KAT6B: variants seen among roughly 807,000 people sequenced by gnomAD.
KAT6B encodes lysine acetyltransferase 6B, also known as histone acetyltransferase KAT6B.
KAT6B carries 10 observed loss-of-function variants against 187.5 expected under a neutral mutation model. The observed-to-expected ratio is 0.05, with a 90% CI of 0.03 to 0.09. KAT6B has a LOEUF of 0.09. KAT6B is among the 10% of genes least tolerant of loss of function. The pLI is 1.00. For missense variants in KAT6B, 1,952 were observed against 2,558.9 expected (o/e 0.76, Z 5.12); for synonymous variants, 861 against 926.8 (o/e 0.93, Z 1.29).
intron 1 of KAT6B, among the ~76,000 whole-genome samples, chr10:74,828,784 G>A (rs1840493764): frequency 6.6e-6 from 1 of 151,774 alleles, no homozygotes; most frequent in Non-Finnish European, 1.5e-5. Flanking sequence ...AGCCAGGATG[G>A]TCTCGAACTC....
chr10:74,983,461 C>T (rs41304619), intron 11 of KAT6B: 2,044 of 152,394 alleles, frequency 0.013, 15 homozygotes, highest in Middle Eastern at 0.031. Flanking sequence ...GACAGAGCTG[C>T]TCACAGTTGA....
At position 75,020,676 on chromosome 10, in the gene KAT6B, C is replaced by T. The variant is rs769054123; in HGVS notation, c.2724C>T (p.Ser908=). The T allele has an allele frequency of 8.1e-6, 13 of 1,614,018 alleles. No individual in the cohort carries two copies. The highest frequency in any genetic ancestry group is 5.0e-5 in the Admixed American group (3 of 60,006). The change falls in exon 14 of 18, where the codon AGC becomes AGT. Residue 908 remains serine, a synonymous_variant. Coordinates refer to ENST00000287239, the MANE Select transcript of KAT6B (RefSeq NM_012330.4). ...GRLSYLAYWK[S]VILEYLYHHH... Reference sequence around the variant, plus strand: ...TCTCCTACCTGGCATATTGGAAGAGCGTCATCTTGGAGTATCTCTACCACC... The same window carrying T: ...TCTCCTACCTGGCATATTGGAAGAGTGTCATCTTGGAGTATCTCTACCACC...
At chr10:74,878,593 C>T (rs1335022917) in intron 3 of KAT6B, among the ~76,000 whole-genome samples, 1 of 133,272 alleles carries the variant, frequency 7.5e-6, no homozygotes, top group Non-Finnish European at 1.5e-5. Context: ...GCACTCCAGT[C>T]TGGGTGACAG....
chr10:74,860,362 GATATTA>G (rs763397287), intron 3 of KAT6B, among the ~76,000 whole-genome samples: 8 of 152,116 alleles, frequency 5.3e-5, no homozygotes, highest in Non-Finnish European at 8.8e-5. Context: ...CATGCAAAAA[GATATTA>G]ATATTAAATA....
At chr10:74,923,680 G>A (rs1008006405) in intron 3 of KAT6B, among the ~76,000 whole-genome samples, 11 of 152,214 alleles carry the variant, frequency 7.2e-5, no homozygotes, top group African/African-American at 1.9e-4. Flanking sequence ...TAAGAGGCCA[G>A]TGTGGCTGGC....
chr10:75,001,409 C>T (rs1274165607), intron 13 of KAT6B, among the ~76,000 whole-genome samples: 1 of 152,096 alleles, frequency 6.6e-6, no homozygotes, highest in African/African-American at 2.4e-5. Flanking sequence ...GTCCATAAAG[C>T]GAATTAGGAA....
At chr10:74,999,247 G>A (rs988717060) in intron 13 of KAT6B, among the ~76,000 whole-genome samples, 1 of 152,208 alleles carries the variant, frequency 6.6e-6, no homozygotes, top group African/African-American at 2.4e-5. Context: ...TTTATTGAAT[G>A]CATAACTGAG....
rs376490942 is a variant in KAT6B, at chr10:74,911,332, G to A, written c.622-48638G>A. On this transcript the variant is annotated intron_variant, in intron 3 of 17. Transcript: ENST00000287239. ...GTAGCCCAGGCTGGAGTGCAGTGGC[G>A]CAGTCTCAACTCACTGCAACCTCCT... Among the ~76,000 whole-genome samples the A allele has an allele frequency of 6.7e-5, 10 of 149,896 alleles. 1 individual carries two copies. Among genetic ancestry groups the A allele is most frequent in the East Asian group, 2.0e-4 (1 of 5,076 alleles).
intron 13 of KAT6B, among the ~76,000 whole-genome samples, chr10:74,995,500 A>G (rs1387740306): frequency 2.0e-5 from 3 of 152,078 alleles, no homozygotes; most frequent in Non-Finnish European, 4.4e-5. Context: ...CTCCAATCTC[A>G]TTAGCTTGTA....
chr10:75,019,714 A>G (rs1845238501), intron 13 of KAT6B, among the ~76,000 whole-genome samples: 1 of 151,618 alleles, frequency 6.6e-6, no homozygotes, highest in African/African-American at 2.4e-5. Flanking sequence ...TTACTGAGAC[A>G]GCCGCCAGCT....
intron 3 of KAT6B, among the ~76,000 whole-genome samples, chr10:74,897,784 G>A (rs1316623892): frequency 6.6e-6 from 1 of 152,090 alleles, no homozygotes; most frequent in Non-Finnish European, 1.5e-5. Context: ...AAATTTAAAT[G>A]TCTTCATAAC....
At chr10:74,947,342 G>T (rs192670034) in intron 3 of KAT6B, among the ~76,000 whole-genome samples, 11 of 152,312 alleles carry the variant, frequency 7.2e-5, no homozygotes, top group South Asian at 2.1e-4. Flanking sequence ...ATGGGAAGAT[G>T]TGAAGGTTCT....
intron 3 of KAT6B, among the ~76,000 whole-genome samples, chr10:74,910,155 AGG>A (rs1847090621): frequency 1.3e-5 from 2 of 149,866 alleles, no homozygotes; most frequent in African/African-American, 5.0e-5. Context: ...AATATTAGCC[AGG>A]CGTGGTGGCG....
intron 3 of KAT6B, among the ~76,000 whole-genome samples, chr10:74,920,564 A>G (rs572658817): frequency 6.6e-6 from 1 of 151,706 alleles, no homozygotes; most frequent in South Asian, 2.1e-4. Context: ...GAGTATTTTT[A>G]GTTTGATTTT....
intron 3 of KAT6B, among the ~76,000 whole-genome samples, chr10:74,906,216 A>G (rs1254890475): frequency 1.3e-5 from 2 of 152,138 alleles, no homozygotes; most frequent in Admixed American, 6.5e-5. Context: ...CCTGACCAAC[A>G]TGGTAAAACC....
intron 1 of KAT6B, among the ~76,000 whole-genome samples, chr10:74,836,865 G>A (rs1290834421): frequency 6.6e-6 from 1 of 151,558 alleles, no homozygotes; most frequent in African/African-American, 2.4e-5. Flanking sequence ...GATCCCTTTG[G>A]GGAAAAAAAA....
At position 75,030,330 on chromosome 10, in the gene KAT6B, C is replaced by A. The variant is rs764085512; in HGVS notation, c.5506C>A (p.His1836Asn). The change falls in exon 18 of 18, where the codon CAT becomes AAT. Residue 1836 changes from histidine to asparagine, a missense_variant. By Grantham distance (68) the His-to-Asn change is moderately conservative (BLOSUM62 1). Coordinates refer to ENST00000287239, the MANE Select transcript of KAT6B (RefSeq NM_012330.4). This position sits in a 1 kb window ranked among gnomAD's most constrained non-coding sequence, Gnocchi z 4.8. ...TATTGATCATTCATTGCCTTACAGC[C>A]ATTCCGCTGCTGTGACTTCCTATGC... ...TLIDHSLPYS[H>N]SAAVTSYANS... The A allele has an allele frequency of 1.3e-5, 21 of 1,614,254 alleles. No individual in the cohort carries two copies. Among genetic ancestry groups the A allele is most frequent in the Non-Finnish European group, 1.6e-5 (19 of 1,180,044 alleles).
chr10:74,965,105 C>T (rs10824253), intron 4 of KAT6B, among the ~76,000 whole-genome samples: 19,713 of 152,128 alleles, frequency 0.13, 2,088 homozygotes, highest in African/African-American at 0.28. Flanking sequence ...TTAATATAGC[C>T]CCCAAAAACT....
intron 13 of KAT6B, among the ~76,000 whole-genome samples, chr10:74,990,062 G>A (rs1253909950): frequency 1.3e-5 from 2 of 151,724 alleles, no homozygotes; most frequent in African/African-American, 2.4e-5. Flanking sequence ...GGATGTGGTG[G>A]CACACACCTG....
Sources: allele counts gnomAD v4.1 joint callset (sites outside exome capture counted in the v4.1 genomes callset), GRCh38; gene constraint gnomAD v4.1.1; non-coding constraint Gnocchi (gnomAD v3.1); transcripts MANE v1.5; gene names NCBI Gene and HGNC (gene_info 2026-07-23, HGNC 2026-07-21).